DNAH17: variants seen among roughly 807,000 people sequenced by gnomAD.
DNAH17 encodes axonemal beta dynein heavy chain 17.
DNAH17 carries 376 observed loss-of-function variants against 485.6 expected under a neutral mutation model. The observed-to-expected ratio is 0.77, with a 90% CI of 0.71 to 0.84. DNAH17 has a LOEUF of 0.84. Among genes scored for constraint, DNAH17 ranks in the 40% least tolerant of loss-of-function variants. The pLI, the probability that DNAH17 is intolerant of heterozygous loss-of-function variation, is 0.00. For synonymous variants in DNAH17, 3,031 were observed against 2,405.9 expected, an observed-to-expected ratio of 1.26 and a Z score of -7.60; for missense variants, 6,370 against 5,839.3, an observed-to-expected ratio of 1.09 and a Z score of -2.96.
At chr17:78,442,782 C>CG (rs138943163) in intron 71 of DNAH17, among the ~76,000 whole-genome samples, 12,178 of 152,274 alleles carry the variant, frequency 0.08, 550 homozygotes, top group Middle Eastern at 0.12. Context: ...ACATGCTGTG[C>CG]GTCAGGGTTT....
At chr17:78,535,959 C>T (rs2143366000) in intron 19 of DNAH17, among the ~76,000 whole-genome samples, 1 of 152,218 alleles carries the variant, frequency 6.6e-6, no homozygotes, top group South Asian at 2.1e-4. Context: ...CTTTGACAAA[C>T]ACACCACCTC....
At chr17:78,516,381 GC>G (rs1444753977) in intron 25 of DNAH17, among the ~76,000 whole-genome samples, 11 of 152,140 alleles carry the variant, frequency 7.2e-5, no homozygotes, top group African/African-American at 2.7e-4. Flanking sequence ...GTTCTGTAAT[GC>G]CACTCATGTA....
chr17:78,459,303 C>G, intron 60 of DNAH17, 95 bp from the exon 61 acceptor site: 1 of 1,208,222 alleles, frequency 8.3e-7, no homozygotes, highest in Non-Finnish European at 1.2e-6. Context: ...GGTGGCACAG[C>G]TCTGGAGGGG....
intron 2 of DNAH17, 49 bp from the exon 3 acceptor site, chr17:78,572,943 C>CGGCA (rs1568276978): frequency 1.3e-6 from 2 of 1,553,706 alleles, no homozygotes; most frequent in South Asian, 2.4e-5. Flanking sequence ...TTCACCAGCT[C>CGGCA]GGCAACCGCA....
Position 78,425,405 on chromosome 17 carries a change from CGGTTTTTCTT to C in DNAH17, c.13072_13081del (p.Lys4358GlufsTer4). Reference sequence around the variant, plus strand: ...TCGCGGAGGAGCGGTCATGTCCTCTCGGTTTTTCTTGGTCACCTCGACAGACAGACACATC... The same window carrying C: ...TCGCGGAGGAGCGGTCATGTCCTCTCGGTCACCTCGACAGACAGACACATC... On this transcript the variant is annotated frameshift_variant, in exon 80 of 81. Coordinates refer to ENST00000389840, the MANE Select transcript of DNAH17 (RefSeq NM_173628.4). LOFTEE classifies it high-confidence loss of function. The C allele has an allele frequency of 6.2e-7, 1 of 1,613,984 alleles. No individual in the cohort carries two copies. Among genetic ancestry groups the C allele is most frequent in the Non-Finnish European group, 8.5e-7 (1 of 1,179,904 alleles).
intron 11 of DNAH17, among the ~76,000 whole-genome samples, chr17:78,563,522 C>T (rs912972260): frequency 3.3e-5 from 5 of 152,040 alleles, no homozygotes; most frequent in African/African-American, 9.7e-5. Context: ...TCCAGACAAC[C>T]GACACACCTG....
Position 78,558,786 on chromosome 17 carries a change from G to A in DNAH17, c.2032-532C>T, listed in dbSNP as rs138398476. Among the ~76,000 whole-genome samples the A allele has an allele frequency of 1.9e-4, 28 of 151,070 alleles. No homozygotes were observed. The East Asian group carries it at 3.9e-3, about 21-fold the overall frequency. ...TTCTGTTTTCTCTCTGCTTTCACCC[G>A]GTTATGACCCGAGATCAACAACAGG... On this transcript the variant is annotated intron_variant, in intron 13 of 80. Coordinates refer to ENST00000389840, the MANE Select transcript of DNAH17 (RefSeq NM_173628.4).
chr17:78,487,909 C>T (rs569494500), intron 44 of DNAH17, among the ~76,000 whole-genome samples: 6 of 152,274 alleles, frequency 3.9e-5, no homozygotes, highest in Admixed American at 1.3e-4. Flanking sequence ...AAGAGCTGAA[C>T]GTCTTTGCCG....
intron 9 of DNAH17, among the ~76,000 whole-genome samples, chr17:78,567,615 C>T (rs76045607): frequency 0.026 from 3,907 of 152,150 alleles, 80 homozygotes; most frequent in African/African-American, 0.054. Context: ...TGCCGTGTCC[C>T]GAAGGTGATC....
chr17:78,426,800 G>A, intron 78 of DNAH17, 126 bp downstream of exon 78: 4 of 1,308,848 alleles, frequency 3.1e-6, no homozygotes, highest in Non-Finnish European at 4.2e-6. Flanking sequence ...AACTGCCAGA[G>A]CTCTGGAGAG....
chr17:78,515,101 C>T (rs1255916803), intron 25 of DNAH17, 79 bp from the exon 26 acceptor site: 9 of 1,541,668 alleles, frequency 5.8e-6, no homozygotes, highest in Admixed American at 1.9e-5. Flanking sequence ...CCTTTCTGCA[C>T]TTACTCGCAG....
intron 25 of DNAH17, among the ~76,000 whole-genome samples, 146 bp downstream of exon 25, chr17:78,524,834 AGCGGAGGGACCCCACCTCGCGATCTCAGG>A (rs1170750483): frequency 2.0e-5 from 3 of 152,312 alleles, no homozygotes; most frequent in African/African-American, 7.2e-5. Context: ...ATCCTGCTTT[AGCGGAGGGACCCCACCTCGCGATCTCAGG>A]GCCCTTCGGA....
intron 19 of DNAH17, among the ~76,000 whole-genome samples, chr17:78,534,365 G>GA (rs1271484246): frequency 6.6e-6 from 1 of 152,040 alleles, no homozygotes; most frequent in Non-Finnish European, 1.5e-5. Context: ...GGCTGGGATG[G>GA]AAGGGGAAGG....
chr17:78,499,162 G>T, intron 36 of DNAH17, 50 bp from the exon 37 acceptor site: 1 of 1,363,472 alleles, frequency 7.3e-7, no homozygotes, highest in Non-Finnish European at 9.9e-7. Flanking sequence ...TGACAGGGAG[G>T]GCGGGCGCTG....
At chr17:78,570,888 A>T in intron 6 of DNAH17, 60 bp downstream of exon 6, 5 of 915,280 alleles carry the variant, frequency 5.5e-6, no homozygotes, top group Non-Finnish European at 8.0e-6. Context: ...AGAAAAAAGA[A>T]AAGAAAAGAA....
At chr17:78,492,167 C>T (rs1013199511) in intron 42 of DNAH17, among the ~76,000 whole-genome samples, 13 of 152,258 alleles carry the variant, frequency 8.5e-5, no homozygotes, top group South Asian at 6.2e-4. Context: ...TCCTCCTCAG[C>T]TCTCGCAGCT....
At chr17:78,508,161 T>C (rs774095506) in intron 27 of DNAH17, among the ~76,000 whole-genome samples, 5 of 152,210 alleles carry the variant, frequency 3.3e-5, no homozygotes, top group Non-Finnish European at 7.3e-5. Context: ...TATGCCATCC[T>C]GCAATTGACA....
chr17:78,502,740 G>T, intron 32 of DNAH17, 42 bp from the exon 33 acceptor site: 1 of 1,599,878 alleles, frequency 6.3e-7, no homozygotes, highest in Non-Finnish European at 8.5e-7. Flanking sequence ...GTGAGCGATC[G>T]CTGGCGCCTG....
At chr17:78,539,902 T>C in intron 17 of DNAH17, 22 bp from the exon 18 acceptor site, 1 of 1,546,616 alleles carries the variant, frequency 6.5e-7, no homozygotes, top group East Asian at 2.4e-5. Flanking sequence ...AGCGCACAGT[T>C]GGGCCTCACT....
Sources: allele counts gnomAD v4.1 joint callset (sites outside exome capture counted in the v4.1 genomes callset), GRCh38; gene constraint gnomAD v4.1.1; transcripts MANE v1.5; gene names NCBI Gene and HGNC (gene_info 2026-07-23, HGNC 2026-07-21).